Variants in TEX15 observed in about 807,000 individuals in gnomAD.
TEX15 encodes the protein testis-expressed protein 15.
TEX15 carries 171 observed loss-of-function variants against 237.3 expected under a neutral mutation model. That is an observed-to-expected ratio of 0.72 (90% CI 0.64 to 0.82). The LOEUF (loss-of-function observed/expected upper bound fraction) is 0.82. Among genes scored for constraint, TEX15 ranks in the 40% least tolerant of loss-of-function variants. The probability of loss-of-function intolerance (pLI) is 0.00; values close to 1 mark genes in which losing one functional copy is unlikely to be tolerated. For synonymous variants in TEX15, 1,338 were observed against 1,269.8 expected (o/e 1.05, Z -1.14); for missense variants, 3,750 against 3,646.5 (o/e 1.03, Z -0.73).
intron 4 of TEX15, among the ~76,000 whole-genome samples, chr8:30,869,395 C>T (rs2467542): frequency 0.71 from 108,002 of 151,840 alleles, 40,227 homozygotes; most frequent in African/African-American, 0.93. Context: ...GAAAACTTAC[C>T]GAAATACTCA....
At chr8:30,874,002 A>T (rs1288573834) in intron 4 of TEX15, among the ~76,000 whole-genome samples, 3 of 152,184 alleles carry the variant, frequency 2.0e-5, no homozygotes, top group Non-Finnish European at 2.9e-5. Flanking sequence ...AAATAAGCAA[A>T]ACCAAAGAAC....
intron 5 of TEX15, among the ~76,000 whole-genome samples, chr8:30,866,357 AG>A (rs1808165602): frequency 6.9e-6 from 1 of 145,632 alleles, no homozygotes; most frequent in South Asian, 2.2e-4. Context: ...AGGAGAAAGG[AG>A]AAAGGGGAAG....
At chr8:30,872,944 G>A (rs768839068) in intron 4 of TEX15, among the ~76,000 whole-genome samples, 6 of 152,066 alleles carry the variant, frequency 3.9e-5, no homozygotes, top group East Asian at 3.8e-4. Context: ...TACATTTAGC[G>A]TAGCCTAAGT....
chr8:30,886,928 G>A (rs1180576144), intron 3 of TEX15: 10 of 342,732 alleles, frequency 2.9e-5, no homozygotes, highest in Admixed American at 2.4e-4. Context: ...AGTTTCGAAA[G>A]TCTTTTCATA....
At chr8:30,882,722 T>C (rs752359986) in intron 3 of TEX15, among the ~76,000 whole-genome samples, 2 of 152,352 alleles carry the variant, frequency 1.3e-5, no homozygotes, top group South Asian at 2.1e-4. Flanking sequence ...TTAGATCCTG[T>C]TGATTGACAG....
At chr8:30,887,503 A>C (rs1427318241) in intron 2 of TEX15, among the ~76,000 whole-genome samples, 192 bp from the exon 3 acceptor site, 1 of 152,182 alleles carries the variant, frequency 6.6e-6, no homozygotes, top group African/African-American at 2.4e-5. Context: ...TTTTTATATA[A>C]TATGAAAAAT....
At position 30,841,989 on chromosome 8, in the gene TEX15, T is replaced by C; in HGVS notation, c.8163+15A>G. 1 of 1,519,466 alleles carries C rather than the reference T, an allele frequency of 6.6e-7. No individual in the cohort carries two copies. The highest frequency in any genetic ancestry group is 1.3e-5 in the South Asian group (1 of 74,886). 94.1% of individuals were successfully genotyped at this position (1,519,466 alleles called of 1,614,324 possible). On this transcript the variant is annotated intron_variant, in intron 8 of 10. Coordinates refer to ENST00000643185, the MANE Select transcript of TEX15 (RefSeq NM_001350162.2). The stretch of plus-strand genomic sequence containing the variant: ...AAAGAATACTTATAAAAGTTTTGTT[T>C]TAAAACATACATACCTTTAGCTTTT...
At position 30,858,743 on chromosome 8, in the gene TEX15, G is replaced by T; in HGVS notation, c.775C>A (p.Leu259Ile). 2 of 1,535,728 alleles carry T rather than the reference G, an allele frequency of 1.3e-6. No individual in the cohort carries two copies. Among genetic ancestry groups the T allele is most frequent in the Non-Finnish European group, 1.7e-6 (2 of 1,146,674 alleles). ...CGTCCATTATCTACTTTTGAACCAA[G>T]AAATTTTACTGTTACTACAGCATAT... Reference protein sequence around the residue: ...LPYAVVTVKFLGSKVDNGRLM... With the variant: ...LPYAVVTVKFIGSKVDNGRLM... The change falls in exon 7 of 11, where the codon CTT (leucine) becomes ATT (isoleucine). Residue 259 changes from leucine (L) to isoleucine (I), a missense_variant. Coordinates refer to ENST00000643185, the MANE Select transcript of TEX15 (RefSeq NM_001350162.2).
At chr8:30,841,607 G>A (rs1269470047) in intron 8 of TEX15, among the ~76,000 whole-genome samples, 1 of 152,112 alleles carries the variant, frequency 6.6e-6, no homozygotes, top group African/African-American at 2.4e-5. Flanking sequence ...AAGAAGACAG[G>A]CTTTGTTAGC....
Position 30,859,984 on chromosome 8 carries a change from T to G in TEX15, c.614A>C (p.Asn205Thr), listed in dbSNP as rs77311674. 5.8e-4 allele frequency: 881 copies of G among 1,519,758 alleles called. 9 individuals carry two copies. In the African/African-American group the frequency reaches 0.011, roughly 19 times the overall value. 94.1% of individuals were successfully genotyped at this position (1,519,758 alleles called of 1,614,324 possible). A position where few individuals can be genotyped will look rare whatever the true frequency, so the allele number is the denominator to read the frequency against. Reference sequence around the variant, plus strand: ...ATTTCTTGACATATGGCAATCAAAGTTAGGAGAAGGATCCAAAGAAACTTT... The same window carrying G: ...ATTTCTTGACATATGGCAATCAAAGGTAGGAGAAGGATCCAAAGAAACTTT... ...KNKVSLDPSP[N>T]FDCHMSRNAP... Residue 205 changes from asparagine (N) to threonine (T), a missense_variant, in exon 6 of 11, where the codon AAC becomes ACC. By Grantham distance (65) the Asn-to-Thr change is moderately conservative. Coordinates refer to ENST00000643185, the MANE Select transcript of TEX15 (RefSeq NM_001350162.2).
At chr8:30,836,245 C>T (rs1179142692) in intron 10 of TEX15, among the ~76,000 whole-genome samples, 30 of 103,100 alleles carry the variant, frequency 2.9e-4, no homozygotes, top group Non-Finnish European at 4.9e-4. Context: ...GGTCGAGTCT[C>T]GTTCTATCAC....
In TEX15 at chr8:30,845,335, ACTT is replaced by A. The variant is rs1224343719; in HGVS notation, c.4829_4831del (p.Glu1610del). 6.2e-7 allele frequency: 1 copy of A among 1,612,480 alleles called. No homozygotes were observed. The highest frequency in any genetic ancestry group is 8.5e-7 in the Non-Finnish European group (1 of 1,179,064). Reference sequence around the variant, plus strand: ...AGATACAGAATTACTTTCATTTATTACTTCATTAGCGTCACAACTGTTTTCTTT... The same window carrying A: ...AGATACAGAATTACTTTCATTTATTACATTAGCGTCACAACTGTTTTCTTT... On this transcript the variant is annotated inframe_deletion, in exon 8 of 11. Transcript: ENST00000643185.
intron 1 of TEX15, among the ~76,000 whole-genome samples, chr8:30,911,305 A>G (rs1208101128): frequency 6.6e-6 from 1 of 151,962 alleles, no homozygotes; most frequent in Non-Finnish European, 1.5e-5. Flanking sequence ...TTTTTGTATT[A>G]TTACTACTAC....
rs1399897945 is a variant in TEX15 at position 30,832,821 on chromosome 8, T to C, written c.*465A>G. On this transcript the variant is annotated 3_prime_UTR_variant, in exon 11 of 11. Coordinates refer to ENST00000643185, the MANE Select transcript of TEX15 (RefSeq NM_001350162.2). ...AACCAATTTTTCTTATTAAAAATAT[T>C]TTACAAGTAGAAACTATAAAATACT... The C allele has an allele frequency of 6.6e-6, 1 of 152,280 alleles. No homozygotes were observed. The highest frequency in any genetic ancestry group is 1.5e-5 in the Non-Finnish European group (1 of 68,076). The allele number at this position is 152,280 out of a possible 1,614,324, so 9.4% of individuals were successfully genotyped here.
At chr8:30,907,494 T>C (rs539939483) in intron 1 of TEX15, among the ~76,000 whole-genome samples, 3 of 146,014 alleles carry the variant, frequency 2.1e-5, no homozygotes, top group African/African-American at 7.5e-5. Context: ...ATATATAAAA[T>C]GTATATATAA....
At chr8:30,890,120 C>T (rs567166772) in intron 2 of TEX15, among the ~76,000 whole-genome samples, 13 of 150,916 alleles carry the variant, frequency 8.6e-5, no homozygotes, top group African/African-American at 3.2e-4. Context: ...CTTCATAGTA[C>T]ATATGGTATA....
chr8:30,853,109 T>C (rs1266149235), intron 7 of TEX15, among the ~76,000 whole-genome samples: 1 of 152,140 alleles, frequency 6.6e-6, no homozygotes, highest in Non-Finnish European at 1.5e-5. Flanking sequence ...AAAGGCATCA[T>C]CCTTTGATTA....
chr8:30,859,810 C>A, intron 6 of TEX15, 101 bp downstream of exon 6: 1 of 913,184 alleles, frequency 1.1e-6, no homozygotes, highest in Non-Finnish European at 1.5e-6. Flanking sequence ...TTATATTGAA[C>A]GAATTAAGAG....
At chr8:30,874,906 T>A in intron 4 of TEX15, 31 bp downstream of exon 4, 1 of 1,240,214 alleles carries the variant, frequency 8.1e-7, no homozygotes, top group Non-Finnish European at 1.0e-6. Flanking sequence ...CACAACAAAA[T>A]CTCAAACACG....
Sources: allele counts gnomAD v4.1 joint callset (sites outside exome capture counted in the v4.1 genomes callset), GRCh38; gene constraint gnomAD v4.1.1; transcripts MANE v1.5; gene names NCBI Gene and HGNC (gene_info 2026-07-23, HGNC 2026-07-21).